Variants in MICB observed in about 807,000 individuals in gnomAD.
The protein encoded by MICB is MHC class I antigen-related protein B.
Under a neutral mutation model 34.3 loss-of-function variants are expected in MICB, and 27 were observed. The observed-to-expected ratio is 0.79, with a 90% CI of 0.58 to 1.08. The LOEUF (loss-of-function observed/expected upper bound fraction) is 1.08. Among genes scored for constraint, MICB ranks in the 50% least tolerant of loss-of-function variants. The pLI is 0.00. For synonymous variants in MICB, 153 were observed against 187.4 expected (o/e 0.82, Z 1.50); for missense variants, 426 against 483.1 (o/e 0.88, Z 1.11).
chr6:31,497,611 G>A (rs1248714216), upstream of MICB, among the ~76,000 whole-genome samples: 1 of 152,198 alleles, frequency 6.6e-6, no homozygotes, highest in African/African-American at 2.4e-5. Context: ...TGGGGCAAGT[G>A]CTTCTGAAAG....
rs1446987941 is a variant in MICB, at chr6:31,507,009, C to T, written c.614-13C>T. On this transcript the variant is annotated splice_polypyrimidine_tract_variant and intron_variant, in intron 3 of 5. Transcript: ENST00000252229. This position sits in a 1 kb window ranked among gnomAD's most constrained non-coding sequence, Gnocchi z 6.0. ...GGAGCAGGGCTTCACTGGCTCTGCC[C>T]TTTCTTCTCCAGTGCCCCCCATGGT... The T allele has an allele frequency of 1.2e-6, 2 of 1,609,408 alleles. No homozygotes were observed. The highest frequency in any genetic ancestry group is 1.7e-5 in the Admixed American group (1 of 59,858).
At chr6:31,503,949 CTGTG>C (rs9279324) in intron 1 of MICB, among the ~76,000 whole-genome samples, 17 of 97,594 alleles carry the variant, frequency 1.7e-4, no homozygotes, top group African/African-American at 2.4e-4. Flanking sequence ...GCCAAACTTG[CTGTG>C]TGTGTGTGTG....
Position 31,510,035 on chromosome 6 carries a change from G to C in MICB, c.*126G>C. 1 of 1,172,036 alleles carries C rather than the reference G, an allele frequency of 8.5e-7. No individual in the cohort carries two copies. The highest frequency in any genetic ancestry group is 1.2e-6 in the Non-Finnish European group (1 of 853,362). 72.6% of individuals were successfully genotyped at this position (1,172,036 alleles called of 1,614,324 possible). On this transcript the variant is annotated 3_prime_UTR_variant, in exon 6 of 6. Coordinates refer to ENST00000252229, the MANE Select transcript of MICB (RefSeq NM_005931.5). Reference sequence around the variant, plus strand: ...ATTTATTGTTGTTGGATGCTGCAAAGTGTTAGTAGGTATGAGGTGTTTGCT... The same window carrying C: ...ATTTATTGTTGTTGGATGCTGCAAACTGTTAGTAGGTATGAGGTGTTTGCT...
intron 1 of MICB, among the ~76,000 whole-genome samples, chr6:31,503,758 G>C (rs998128594): frequency 4.6e-5 from 7 of 151,748 alleles, no homozygotes; most frequent in Non-Finnish European, 7.4e-5. Context: ...ATTTCTCTTG[G>C]GTATATATTT....
At chr6:31,498,127 G>A, upstream of MICB, 2 of 1,361,560 alleles carry the variant, frequency 1.5e-6, no homozygotes, top group East Asian at 3.2e-5. Context: ...ATTTCGACGG[G>A]GTCTTCTCAC....
upstream of MICB, chr6:31,497,951 C>G (rs549231965): frequency 1.9e-5 from 6 of 314,618 alleles, no homozygotes; most frequent in East Asian, 4.8e-4. Context: ...CACGCTCCCC[C>G]TTTTCTGGCC....
chr6:31,504,470 A>G (rs1765189117), intron 1 of MICB, among the ~76,000 whole-genome samples: 1 of 141,258 alleles, frequency 7.1e-6, no homozygotes, highest in South Asian at 2.3e-4. Flanking sequence ...CATGTTAGCC[A>G]GGATGGTCTC....
At position 31,506,345 on chromosome 6, in the gene MICB, C is replaced by G. The variant is rs371750461; in HGVS notation, c.528C>G (p.Thr176=). ...TCTGGAAGGAAGATGCCATGAAGAC[C>G]AAGACACACTATCGCGCTATGCAGG... The part of the protein sequence containing the change: ...TNFWKEDAMK[T]KTHYRAMQAD... The change falls in exon 3 of 6, where the codon ACC becomes ACG. Residue 176 remains threonine (T), a synonymous_variant. Transcript: ENST00000252229. 6.2e-7 allele frequency: 1 copy of G among 1,614,180 alleles called. No individual in the cohort carries two copies. The highest frequency in any genetic ancestry group is 8.5e-7 in the Non-Finnish European group (1 of 1,180,024).
At position 31,507,561 on chromosome 6, in the gene MICB, G is replaced by A. The variant is rs1765428030; in HGVS notation, c.1024+30G>A. 1.2e-6 allele frequency: 2 copies of A among 1,613,758 alleles called. No homozygotes were observed. Among genetic ancestry groups the A allele is most frequent in the East Asian group, 4.5e-5 (2 of 44,886 alleles). On this transcript the variant is annotated intron_variant, in intron 5 of 5. Transcript: ENST00000252229. The surrounding 1 kb of genome is among the most constrained non-coding windows in gnomAD (Gnocchi z 6.0). Reference sequence around the variant, plus strand: ...GAAAAGGGGACAGTTTCTGGAGATGGGAAAGCTCCTTTCTAGGCAGTAGGG... The same window carrying A: ...GAAAAGGGGACAGTTTCTGGAGATGAGAAAGCTCCTTTCTAGGCAGTAGGG...
chr6:31,505,573 T>C, intron 1 of MICB, 44 bp from the exon 2 acceptor site: 1 of 1,604,460 alleles, frequency 6.2e-7, no homozygotes, highest in Non-Finnish European at 8.5e-7. Flanking sequence ...CAATGTGAAG[T>C]TATTTCCAGG....
chr6:31,497,789 G>A (rs1764745026), upstream of MICB, among the ~76,000 whole-genome samples: 1 of 152,150 alleles, frequency 6.6e-6, no homozygotes, highest in Non-Finnish European at 1.5e-5. Context: ...CGGCGAAAGG[G>A]GCTTGGTGAA....
intron 5 of MICB, among the ~76,000 whole-genome samples, chr6:31,509,191 C>T (rs569206519): frequency 1.5e-4 from 23 of 152,310 alleles, no homozygotes; most frequent in Middle Eastern, 3.4e-3. Context: ...CAGGCCTCCT[C>T]GAGCAAGGTG....
chr6:31,505,681 T>G lies in MICB; in HGVS notation c.135T>G (p.Phe45Leu). 6.2e-7 allele frequency: 1 copy of G among 1,613,014 alleles called. No individual in the cohort carries two copies. The highest frequency in any genetic ancestry group is 8.5e-7 in the Non-Finnish European group (1 of 1,179,986). Residue 45 changes from phenylalanine to leucine, a missense_variant, in exon 2 of 6, where the codon TTT becomes TTG. Coordinates refer to ENST00000252229, the MANE Select transcript of MICB (RefSeq NM_005931.5). ...AGGATGGATCTGTGCAGTCAGGGTT[T>G]CTCGCTGAGGGACATCTGGATGGTC... Reference protein sequence around the residue: ...LSQDGSVQSGFLAEGHLDGQP... With the variant: ...LSQDGSVQSGLLAEGHLDGQP...
chr6:31,498,928 G>A (rs532344907), intron 1 of MICB, among the ~76,000 whole-genome samples: 1 of 152,296 alleles, frequency 6.6e-6, no homozygotes, highest in African/African-American at 2.4e-5. Flanking sequence ...GAATGGCATT[G>A]GAAGGCCGTT....
rs1045121017 is a variant in MICB, at chr6:31,510,234, G to A, written c.*325G>A. The A allele has an allele frequency of 4.0e-5, 9 of 224,468 alleles. No homozygotes were observed. Among genetic ancestry groups the A allele is most frequent in the Non-Finnish European group, 6.0e-5 (7 of 115,842 alleles). 13.9% of individuals were successfully genotyped at this position (224,468 alleles called of 1,614,324 possible). On this transcript the variant is annotated 3_prime_UTR_variant, in exon 6 of 6. Transcript: ENST00000252229. ...CATTCACTCCATGGTGCTCATTGGA[G>A]TTATCTACTGGGTCATCTAGAGCCT...
chr6:31,506,695 A>C (rs1765354511), intron 3 of MICB, among the ~76,000 whole-genome samples: 1 of 152,076 alleles, frequency 6.6e-6, no homozygotes, highest in Admixed American at 6.5e-5. Flanking sequence ...CAGGAGAGGA[A>C]GCCCTCAGGG....
chr6:31,506,173 G>C lies in MICB; in HGVS notation c.356G>C (p.Cys119Ser). 6.2e-7 allele frequency: 1 copy of C among 1,614,022 alleles called. No homozygotes were observed. The highest frequency in any genetic ancestry group is 8.5e-7 in the Non-Finnish European group (1 of 1,179,956). The change falls in exon 3 of 6, where the codon TGT becomes TCT. Residue 119 changes from cysteine to serine, a missense_variant. By Grantham distance (112) the Cys-to-Ser change is moderately radical (BLOSUM62 -1). Coordinates refer to ENST00000252229, the MANE Select transcript of MICB (RefSeq NM_005931.5). Reference protein sequence around the residue: ...GLHSLQEIRVCEIHEDSSTRG... With the variant: ...GLHSLQEIRVSEIHEDSSTRG... Reference sequence around the variant, plus strand: ...CATTCCCTCCAGGAGATTAGGGTCTGTGAGATCCATGAAGACAGCAGCACC... The same window carrying C: ...CATTCCCTCCAGGAGATTAGGGTCTCTGAGATCCATGAAGACAGCAGCACC...
chr6:31,509,144 T>C (rs994743829), intron 5 of MICB, among the ~76,000 whole-genome samples: 2 of 152,128 alleles, frequency 1.3e-5, no homozygotes, highest in Admixed American at 6.5e-5. Flanking sequence ...CAACAGCAGG[T>C]CACAGGCCTA....
chr6:31,504,207 T>C (rs1279345190), intron 1 of MICB, among the ~76,000 whole-genome samples: 3 of 151,936 alleles, frequency 2.0e-5, no homozygotes. Context: ...TTTTGTTGTT[T>C]TTGTCAAACT....
Sources: gnomAD v4.1 joint callset for allele counts (sites outside exome capture counted in the v4.1 genomes callset) on GRCh38, gnomAD v4.1.1 for gene constraint, Gnocchi (gnomAD v3.1) non-coding constraint, MANE v1.5 for transcripts, NCBI Gene and HGNC (gene_info 2026-07-23, HGNC 2026-07-21) for gene names.